Variants in DCBLD1 observed in about 807,000 individuals in gnomAD.
DCBLD1 encodes the protein discoidin, CUB and LCCL domain containing 1, also known as discoidin, CUB and LCCL domain-containing protein 1.
Under a neutral mutation model 71.5 loss-of-function variants are expected in DCBLD1, and 57 were observed. The ratio of observed to expected loss-of-function variants is 0.80; its 90% CI spans 0.64 to 0.99. The LOEUF (loss-of-function observed/expected upper bound fraction) is 0.99, where lower values mean the gene tolerates loss of function less well. Among genes scored for constraint, DCBLD1 ranks in the 50% least tolerant of loss-of-function variants. The pLI is 0.00. For synonymous variants in DCBLD1, 380 were observed against 363.8 expected (o/e 1.04, Z -0.51); for missense variants, 891 against 923.5 (o/e 0.96, Z 0.46).
At chr6:117,512,705 A>G (rs9767548) in intron 2 of DCBLD1, among the ~76,000 whole-genome samples, 14,815 of 151,852 alleles carry the variant, frequency 0.098, 1,933 homozygotes, top group African/African-American at 0.3. Context: ...TCAATCAGGC[A>G]TGTTCTTATC....
intron 1 of DCBLD1, among the ~76,000 whole-genome samples, chr6:117,483,107 T>A (rs951243378): frequency 3.3e-5 from 5 of 151,800 alleles, no homozygotes; most frequent in African/African-American, 1.2e-4. Flanking sequence ...TCCTTGTCGC[T>A]CCCCCACCAA....
rs560398853 is a variant in DCBLD1, at chr6:117,531,476, C to T, written c.586-784C>T. Among the ~76,000 whole-genome samples the T allele has an allele frequency of 3.3e-5, 5 of 152,268 alleles. No individual in the cohort carries two copies. In the South Asian group the frequency reaches 6.2e-4, roughly 19 times the overall value. The stretch of plus-strand genomic sequence containing the variant: ...ACAGAGCCGATTCCAATCCCACAAC[C>T]GCCTGTAAATCAGAGCCAGTCTGCT... On this transcript the variant is annotated intron_variant, in intron 5 of 14. Coordinates refer to ENST00000338728, the MANE Select transcript of DCBLD1 (RefSeq NM_001366458.2).
Position 117,482,703 on chromosome 6 carries a change from G to GGCGGC in DCBLD1, c.-78_-74dup, listed in dbSNP as rs1776928722. The GGCGGC allele has an allele frequency of 9.1e-7, 1 of 1,096,696 alleles. No homozygotes were observed. Among genetic ancestry groups the GGCGGC allele is most frequent in the Non-Finnish European group, 1.1e-6 (1 of 902,394 alleles). 67.9% of individuals were successfully genotyped at this position (1,096,696 alleles called of 1,614,324 possible). ...CGGCGCCGCGCTCGTCCGCAGAGGA[G>GGCGGC]GCGGCCCGGCCCGGGCAGCTGCGGC... On this transcript the variant is annotated 5_prime_UTR_variant, in exon 1 of 15. Coordinates refer to ENST00000338728, the MANE Select transcript of DCBLD1 (RefSeq NM_001366458.2).
chr6:117,495,389 T>G (rs962956616), intron 1 of DCBLD1, among the ~76,000 whole-genome samples: 1 of 152,222 alleles, frequency 6.6e-6, no homozygotes, highest in African/African-American at 2.4e-5. Context: ...ATAAAAATAG[T>G]AGCAGTTAAC....
chr6:117,548,609 A>C lies in DCBLD1; in HGVS notation c.*170A>C, dbSNP rs955138338. 16 of 1,435,558 alleles carry C rather than the reference A, an allele frequency of 1.1e-5. No individual in the cohort carries two copies. Among genetic ancestry groups the C allele is most frequent in the African/African-American group, 1.4e-5 (1 of 69,694 alleles). 88.9% of individuals were successfully genotyped at this position (1,435,558 alleles called of 1,614,324 possible). On this transcript the variant is annotated 3_prime_UTR_variant, in exon 15 of 15. Coordinates refer to ENST00000338728, the MANE Select transcript of DCBLD1 (RefSeq NM_001366458.2). ...AGAGACAACCTGTCATACTGTTTACAAAATTGTGCAGCTGGTTTCGTGCTG... is the reference window on the plus strand; with the variant it reads ...AGAGACAACCTGTCATACTGTTTACCAAATTGTGCAGCTGGTTTCGTGCTG...
At chr6:117,547,625 C>T (rs1779311372) in intron 14 of DCBLD1, 3 of 691,800 alleles carry the variant, frequency 4.3e-6, no homozygotes, top group Admixed American at 2.1e-5. Flanking sequence ...AGTTTCAGAG[C>T]CACTTCCTCC....
intron 3 of DCBLD1, among the ~76,000 whole-genome samples, chr6:117,521,152 C>T (rs1050445160): frequency 6.6e-6 from 1 of 152,214 alleles, no homozygotes; most frequent in African/African-American, 2.4e-5. Flanking sequence ...TGGGAACCTT[C>T]TCTGTGAACT....
Position 117,538,669 on chromosome 6 carries a change from T to C in DCBLD1, c.810T>C (p.Ser270=), listed in dbSNP as rs775167820. 1 of 1,614,202 alleles carries C rather than the reference T, an allele frequency of 6.2e-7. No homozygotes were observed. Among genetic ancestry groups the C allele is most frequent in the Admixed American group, 1.7e-5 (1 of 60,024 alleles). ...SFEPDGQIRA[S]SSWQSVNESG... ...AACCTGACGGGCAAATCAGAGCTTC[T>C]TCCTCATGGCAGTCGGTCAATGAGA... Residue 270 remains serine, a synonymous_variant, in exon 8 of 15, where the codon TCT becomes TCC. Coordinates refer to ENST00000338728, the MANE Select transcript of DCBLD1 (RefSeq NM_001366458.2).
At chr6:117,483,169 C>T (rs1431629894) in intron 1 of DCBLD1, among the ~76,000 whole-genome samples, 1 of 152,202 alleles carries the variant, frequency 6.6e-6, no homozygotes, top group Non-Finnish European at 1.5e-5. Flanking sequence ...TCTGCACTTT[C>T]TCTCCGCCGC....
chr6:117,522,594 A>G (rs966679403), intron 4 of DCBLD1, among the ~76,000 whole-genome samples: 1 of 152,162 alleles, frequency 6.6e-6, no homozygotes, highest in Non-Finnish European at 1.5e-5. Flanking sequence ...GGTGTGCACC[A>G]TCATACCTGG....
intron 5 of DCBLD1, among the ~76,000 whole-genome samples, chr6:117,526,296 G>A (rs1343915002): frequency 6.6e-6 from 1 of 152,014 alleles, no homozygotes; most frequent in African/African-American, 2.4e-5. Context: ...TTACAAGATT[G>A]ACACTGGATA....
At chr6:117,547,696 C>T in intron 14 of DCBLD1, 6 of 1,025,610 alleles carry the variant, frequency 5.9e-6, no homozygotes, top group Non-Finnish European at 9.0e-6. Context: ...GAAGACCCTG[C>T]GAAGCTTCCT....
intron 1 of DCBLD1, among the ~76,000 whole-genome samples, chr6:117,499,122 G>T (rs1049287373): frequency 6.6e-6 from 1 of 151,644 alleles, no homozygotes; most frequent in African/African-American, 2.4e-5. Context: ...AGAATTTTAG[G>T]CTAGGTGCAG....
intron 4 of DCBLD1, among the ~76,000 whole-genome samples, chr6:117,524,514 A>G (rs1041063838): frequency 1.3e-5 from 2 of 151,972 alleles, no homozygotes; most frequent in Admixed American, 6.6e-5. Context: ...TTGGAATCCT[A>G]ATTTTAAAAT....
chr6:117,504,599 C>G (rs972499088), intron 2 of DCBLD1, among the ~76,000 whole-genome samples: 3 of 152,146 alleles, frequency 2.0e-5, no homozygotes, highest in African/African-American at 4.8e-5. Flanking sequence ...ATGGACTGTT[C>G]CGTTACGACT....
Position 117,490,481 on chromosome 6 carries a change from G to A in DCBLD1, c.112+7588G>A, listed in dbSNP as rs575929571. On this transcript the variant is annotated intron_variant, in intron 1 of 14. Coordinates refer to ENST00000338728, the MANE Select transcript of DCBLD1 (RefSeq NM_001366458.2). Reference sequence around the variant, plus strand: ...CTTATAATTGATGTGTCTCGTCAATGTTTTTGTTTTATATTATTCAAATTA... The same window carrying A: ...CTTATAATTGATGTGTCTCGTCAATATTTTTGTTTTATATTATTCAAATTA... 3.3e-5 allele frequency among the ~76,000 whole-genome samples: 5 copies of A among 152,274 alleles called. No individual in the cohort carries two copies. The South Asian group carries it at 1.0e-3, about 32-fold the overall frequency.
chr6:117,548,387 C>T lies in DCBLD1; in HGVS notation c.2096C>T (p.Pro699Leu), dbSNP rs1361824595. The T allele has an allele frequency of 2.6e-6, 4 of 1,550,716 alleles. No individual in the cohort carries two copies. Among genetic ancestry groups the T allele is most frequent in the Non-Finnish European group, 2.6e-6 (3 of 1,147,012 alleles). Residue 699 changes from proline (P) to leucine (L), a missense_variant, in exon 15 of 15, where the codon CCC becomes CTC. Physicochemically the swap from Pro to Leu is moderately conservative, Grantham distance 98 (BLOSUM62 -3). Coordinates refer to ENST00000338728, the MANE Select transcript of DCBLD1 (RefSeq NM_001366458.2). ...HPGTSDSYSA[P>L]RDCLTPLNQT... ...GGGACGAGTGACAGCTATTCTGCCC[C>T]CAGAGACTGCCTCACACCCCTCAAC...
intron 4 of DCBLD1, among the ~76,000 whole-genome samples, chr6:117,522,505 A>G (rs1051357796): frequency 2.0e-5 from 3 of 151,624 alleles, no homozygotes; most frequent in Non-Finnish European, 4.4e-5. Context: ...GCAGTGGTAT[A>G]ATTATAGCTC....
At chr6:117,543,050 T>C (rs1779152247) in intron 11 of DCBLD1, 74 bp from the exon 12 acceptor site, 1 of 1,240,046 alleles carries the variant, frequency 8.1e-7, no homozygotes, top group Admixed American at 1.7e-5. Context: ...TTCAATTCCA[T>C]GTTCAGTTTT....
Sources: allele counts gnomAD v4.1 joint callset (sites outside exome capture counted in the v4.1 genomes callset), GRCh38; gene constraint gnomAD v4.1.1; transcripts MANE v1.5; gene names NCBI Gene and HGNC (gene_info 2026-07-23, HGNC 2026-07-21).